Variants in OPHN1 observed in about 807,000 individuals in gnomAD.
OPHN1 encodes the protein oligophrenin 1, also known as oligophrenin-1.
In OPHN1, 11 loss-of-function variants were observed where a neutral mutation model predicts 60.7. That is an observed-to-expected ratio of 0.18 (90% confidence interval 0.11 to 0.30). The LOEUF is 0.30. Ranked by LOEUF, OPHN1 falls within the 10% of genes least tolerant of loss-of-function variation. The probability of loss-of-function intolerance (pLI) is 1.00; values close to 1 mark genes in which losing one functional copy is unlikely to be tolerated. For missense variants in OPHN1, 449 were observed against 611.0 expected (o/e 0.73, Z 2.80); for synonymous variants, 226 against 222.6 (o/e 1.02, Z -0.14).
intron 2 of OPHN1, among the ~76,000 whole-genome samples, chrX:68,327,874 C>T (rs1268298505): frequency 1.0e-5 from 1 of 97,011 alleles, no homozygotes; most frequent in Non-Finnish European, 2.0e-5. Flanking sequence ...CCAGGCCAGA[C>T]TGCGGACTGC....
At chrX:68,208,009 T>TCTTTCTTTC (rs766254549) in intron 9 of OPHN1, among the ~76,000 whole-genome samples, 1 of 110,951 alleles carries the variant, frequency 9.0e-6, no homozygotes, top group East Asian at 2.8e-4. Flanking sequence ...TCTCTCTCTT[T>TCTTTCTTTC]CTTTCTTTCC....
chrX:68,329,676 C>T (rs2078285194), intron 2 of OPHN1, among the ~76,000 whole-genome samples: 1 of 112,063 alleles, frequency 8.9e-6, no homozygotes, highest in African/African-American at 3.2e-5. Context: ...CCTGGGGATC[C>T]ATCTCTTTGA....
intron 2 of OPHN1, among the ~76,000 whole-genome samples, chrX:68,373,317 A>T (rs1461673234): frequency 8.9e-6 from 1 of 112,560 alleles, no homozygotes; most frequent in South Asian, 3.7e-4. Flanking sequence ...CTTTTAAACA[A>T]GAATAAAGGA....
intron 2 of OPHN1, among the ~76,000 whole-genome samples, chrX:68,394,796 G>A (rs2078674365): frequency 1.8e-5 from 2 of 110,481 alleles, no homozygotes; most frequent in East Asian, 2.9e-4. Context: ...ACAGGCACGC[G>A]CTACCACGCC....
intron 21 of OPHN1, among the ~76,000 whole-genome samples, chrX:68,054,810 T>G (rs2076866412): frequency 9.0e-6 from 1 of 111,652 alleles, no homozygotes; most frequent in African/African-American, 3.3e-5. Flanking sequence ...CATGGCCTGA[T>G]GAAGACCATA....
intron 20 of OPHN1, among the ~76,000 whole-genome samples, chrX:68,070,294 T>TC (rs2076928325): frequency 7.2e-5 from 8 of 111,356 alleles, no homozygotes; most frequent in Non-Finnish European, 1.5e-4. Context: ...GCACAATGGT[T>TC]TAGTCACTAA....
At chrX:68,112,138 T>A (rs2077108148) in intron 17 of OPHN1, among the ~76,000 whole-genome samples, 179 bp from the exon 18 acceptor site, 1 of 98,878 alleles carries the variant, frequency 1.0e-5, no homozygotes, top group African/African-American at 3.9e-5. Flanking sequence ...GAGAGAGAGA[T>A]AATCAATGAG....
intron 8 of OPHN1, among the ~76,000 whole-genome samples, chrX:68,210,934 A>C (rs1670473122): frequency 1.8e-5 from 2 of 111,495 alleles, no homozygotes; most frequent in African/African-American, 6.5e-5. Context: ...GTTAGTGAGA[A>C]AGGTGATCTG....
intron 2 of OPHN1, among the ~76,000 whole-genome samples, chrX:68,428,083 T>C (rs2078868462): frequency 9.0e-6 from 1 of 111,611 alleles, no homozygotes; most frequent in African/African-American, 3.3e-5. Flanking sequence ...GTCCCCTTTA[T>C]ATTCTGTGTC....
At chrX:68,155,333 T>A (rs2077304608) in intron 15 of OPHN1, among the ~76,000 whole-genome samples, 1 of 111,544 alleles carries the variant, frequency 9.0e-6, no homozygotes, top group Non-Finnish European at 1.9e-5. Flanking sequence ...ATGATTAGCC[T>A]TTGTGTCCCC....
At chrX:68,326,991 C>G (rs1602328362) in intron 2 of OPHN1, among the ~76,000 whole-genome samples, 2 of 39,666 alleles carry the variant, frequency 5.0e-5, no homozygotes, top group African/African-American at 5.4e-4. Context: ...GAAGTGAGGA[C>G]CCCTCTGCCT....
At chrX:68,140,893 T>C (rs888314108) in intron 15 of OPHN1, among the ~76,000 whole-genome samples, 1 of 111,414 alleles carries the variant, frequency 9.0e-6, no homozygotes, top group Admixed American at 9.5e-5. Flanking sequence ...CAATGAGGCT[T>C]CAGGGAAAGA....
intron 5 of OPHN1, among the ~76,000 whole-genome samples, chrX:68,269,273 T>C (rs1231251513): frequency 3.6e-5 from 4 of 111,368 alleles, no homozygotes; most frequent in African/African-American, 1.3e-4. Context: ...AGAGCCCACA[T>C]CGCCAAGTCA....
chrX:68,071,574 C>T, intron 20 of OPHN1: 1 of 584,666 alleles, frequency 1.7e-6, no homozygotes, highest in Non-Finnish European at 3.1e-6. Context: ...ATCAGGCTGG[C>T]CTAGGTGGCT....
At chrX:68,066,031 C>T (rs2076912003) in intron 20 of OPHN1, among the ~76,000 whole-genome samples, 1 of 111,991 alleles carries the variant, frequency 8.9e-6, no homozygotes, top group African/African-American at 3.2e-5. Context: ...CAGACAGAGG[C>T]CATCAAACAA....
intron 6 of OPHN1, among the ~76,000 whole-genome samples, chrX:68,222,962 A>T (rs1046102172): frequency 1.1e-4 from 12 of 111,245 alleles, no homozygotes; most frequent in Admixed American, 2.9e-4. Context: ...AAAAGAAAAA[A>T]AAAGAAAATG....
At chrX:68,355,811 C>T (rs1369728621) in intron 2 of OPHN1, among the ~76,000 whole-genome samples, 2 of 111,479 alleles carry the variant, frequency 1.8e-5, no homozygotes, top group Admixed American at 1.9e-4. Flanking sequence ...CCGAGGTGGG[C>T]GGAACACCTG....
intron 2 of OPHN1, among the ~76,000 whole-genome samples, chrX:68,299,842 T>G (rs2078111873): frequency 9.0e-6 from 1 of 110,750 alleles, no homozygotes; most frequent in South Asian, 3.9e-4. Flanking sequence ...GAAGTTATCT[T>G]TATTGAGATT....
chrX:68,379,566 T>C (rs964378339), intron 2 of OPHN1, among the ~76,000 whole-genome samples: 66 of 105,348 alleles, frequency 6.3e-4, no homozygotes, highest in Non-Finnish European at 1.1e-3. Flanking sequence ...GGCTGTGGGT[T>C]TGTCATAGAT....
Sources: allele counts gnomAD v4.1 joint callset (sites outside exome capture counted in the v4.1 genomes callset), GRCh38; gene constraint gnomAD v4.1.1; transcripts MANE v1.5; gene names NCBI Gene and HGNC (gene_info 2026-07-23, HGNC 2026-07-21).